FOXN2: variants seen among roughly 807,000 people sequenced by gnomAD.
FOXN2 encodes forkhead box N2, also known as forkhead box protein N2.
In FOXN2, 19 loss-of-function variants were observed where a neutral mutation model predicts 41.2. The observed-to-expected ratio is 0.46, with a 90% CI of 0.32 to 0.68. The LOEUF (loss-of-function observed/expected upper bound fraction) is 0.68, where lower values mean the gene tolerates loss of function less well. Among genes scored for constraint, FOXN2 ranks in the 30% least tolerant of loss-of-function variants. The probability of loss-of-function intolerance (pLI) is 0.03; values close to 1 mark genes in which losing one functional copy is unlikely to be tolerated. For synonymous variants in FOXN2, 195 were observed against 176.8 expected (o/e 1.10, Z -0.82); for missense variants, 587 against 509.4 (o/e 1.15, Z -1.47).
intron 5 of FOXN2, among the ~76,000 whole-genome samples, chr2:48,370,668 GTTGAGAT>G (rs1302490879): frequency 6.6e-6 from 1 of 152,054 alleles, no homozygotes; most frequent in Non-Finnish European, 1.5e-5. Context: ...TTGTTTTCCT[GTTGAGAT>G]GCTTGAGTTC....
At chr2:48,313,724 A>G (rs1324413777), upstream of FOXN2, among the ~76,000 whole-genome samples, 3 of 152,292 alleles carry the variant, frequency 2.0e-5, no homozygotes, top group South Asian at 2.1e-4. Context: ...CTCAGTTTCC[A>G]TATCTGTAAA....
At chr2:48,374,270 A>G (rs1673092251) in intron 6 of FOXN2, among the ~76,000 whole-genome samples, 1 of 152,220 alleles carries the variant, frequency 6.6e-6, no homozygotes, top group Admixed American at 6.5e-5. Flanking sequence ...AAGAGGAAAT[A>G]TATGTGGGCA....
chr2:48,365,551 A>G (rs2104493236), intron 5 of FOXN2, among the ~76,000 whole-genome samples: 1 of 152,324 alleles, frequency 6.6e-6, no homozygotes, highest in African/African-American at 2.4e-5. Flanking sequence ...GGGAACAGAC[A>G]TTTCCACAAG....
At chr2:48,363,674 A>C (rs1437871460) in intron 5 of FOXN2, among the ~76,000 whole-genome samples, 1 of 152,280 alleles carries the variant, frequency 6.6e-6, no homozygotes, top group Non-Finnish European at 1.5e-5. Context: ...CCCTGGCAGA[A>C]ACTAATAGAT....
upstream of FOXN2, among the ~76,000 whole-genome samples, chr2:48,313,851 T>C (rs1427092045): frequency 6.6e-6 from 1 of 152,170 alleles, no homozygotes; most frequent in Non-Finnish European, 1.5e-5. Context: ...AACGGGATAT[T>C]CTTATATTTT....
At chr2:48,371,239 AAC>A (rs1321803128) in intron 5 of FOXN2, among the ~76,000 whole-genome samples, 1 of 152,128 alleles carries the variant, frequency 6.6e-6, no homozygotes, top group Non-Finnish European at 1.5e-5. Context: ...CTCTACTAAA[AAC>A]ACAAAAATTA....
intron 1 of FOXN2, among the ~76,000 whole-genome samples, chr2:48,319,328 T>C (rs1416093043): frequency 6.6e-6 from 1 of 152,132 alleles, no homozygotes; most frequent in East Asian, 1.9e-4. Flanking sequence ...TAAACGTTTT[T>C]GGAGGGAATT....
At chr2:48,328,831 G>C (rs780583949) in intron 2 of FOXN2, 129 bp downstream of exon 2, 11 of 151,938 alleles carry the variant, frequency 7.2e-5, no homozygotes, top group Non-Finnish European at 1.3e-4. Context: ...TAAGTAGATG[G>C]GTTTTCTAAG....
At chr2:48,324,821 A>G (rs1283392617) in intron 1 of FOXN2, among the ~76,000 whole-genome samples, 4 of 152,208 alleles carry the variant, frequency 2.6e-5, no homozygotes, top group Non-Finnish European at 5.9e-5. Context: ...TAACTACAGT[A>G]AAAAAGAGGA....
chr2:48,370,786 G>A (rs1179119435), intron 5 of FOXN2, among the ~76,000 whole-genome samples: 1 of 152,094 alleles, frequency 6.6e-6, no homozygotes, highest in Non-Finnish European at 1.5e-5. Flanking sequence ...TTCCTGTGCA[G>A]AAGCTTTTTA....
chr2:48,339,522 C>T (rs1231601722), intron 2 of FOXN2, among the ~76,000 whole-genome samples: 4 of 152,166 alleles, frequency 2.6e-5, no homozygotes, highest in African/African-American at 9.7e-5. Flanking sequence ...AAACTATGAG[C>T]CAATTAAACC....
At chr2:48,323,862 G>A (rs1453031548) in intron 1 of FOXN2, among the ~76,000 whole-genome samples, 2 of 152,008 alleles carry the variant, frequency 1.3e-5, no homozygotes, top group Non-Finnish European at 2.9e-5. Context: ...TATAGTTTCA[G>A]GTCTTACATT....
intron 3 of FOXN2, among the ~76,000 whole-genome samples, chr2:48,357,579 G>A (rs1671885735): frequency 2.0e-5 from 3 of 150,990 alleles, no homozygotes; most frequent in Non-Finnish European, 2.9e-5. Context: ...TGAGACTATA[G>A]GCGCGCACCA....
Position 48,359,049 on chromosome 2 carries a change from T to C in FOXN2, c.540T>C (p.Val180=), listed in dbSNP as rs1360727375. 1 of 1,611,278 alleles carries C rather than the reference T, an allele frequency of 6.2e-7. No homozygotes were observed. The highest frequency in any genetic ancestry group is 2.2e-5 in the East Asian group (1 of 44,770). Residue 180 remains valine (V), a splice_region_variant and synonymous_variant, in exon 4 of 7, where the codon GTT becomes GTC. Transcript: ENST00000340553. Reference sequence around the variant, plus strand: ...TATTCTTGTGCATTTTATTCTAGGTTAATGGAAAAGGTTCCTTATGGTGTG... The same window carrying C: ...TATTCTTGTGCATTTTATTCTAGGTCAATGGAAAAGGTTCCTTATGGTGTG... The part of the protein sequence containing the change: ...FQKVERSHGK[V]NGKGSLWCVD...
At chr2:48,364,139 T>C (rs571638390) in intron 5 of FOXN2, among the ~76,000 whole-genome samples, 3 of 152,312 alleles carry the variant, frequency 2.0e-5, no homozygotes, top group South Asian at 4.1e-4. Flanking sequence ...ACAAGTATTA[T>C]GTATTTATTA....
chr2:48,349,716 G>C (rs896471321), intron 3 of FOXN2, among the ~76,000 whole-genome samples: 1 of 152,154 alleles, frequency 6.6e-6, no homozygotes, highest in Non-Finnish European at 1.5e-5. Flanking sequence ...AGCCTAGATC[G>C]TGCCATTGCA....
At chr2:48,368,582 C>T (rs1672680944) in intron 5 of FOXN2, among the ~76,000 whole-genome samples, 2 of 152,250 alleles carry the variant, frequency 1.3e-5, no homozygotes, top group Middle Eastern at 6.8e-3. Context: ...GTTCCAGCTA[C>T]ACGAGAGGCT....
At chr2:48,321,310 C>T (rs556147736) in intron 1 of FOXN2, among the ~76,000 whole-genome samples, 4 of 152,100 alleles carry the variant, frequency 2.6e-5, no homozygotes, top group South Asian at 2.1e-4. Context: ...CCAGGGTGGG[C>T]GGATCACGAG....
In FOXN2 at chr2:48,375,107, G is replaced by C. The variant is rs184372527; in HGVS notation, c.960G>C (p.Val320=). 31 of 1,614,080 alleles carry C rather than the reference G, an allele frequency of 1.9e-5. No homozygotes were observed. In the East Asian group the frequency reaches 6.9e-4, roughly 36 times the overall value. ...AAQRCASRSS[V]SSLSSVDEVY... ...AGCGTTGTGCATCCAGGTCTAGCGTGTCTTCCCTGTCTTCTGTGGATGAGG... is the reference window on the plus strand; with the variant it reads ...AGCGTTGTGCATCCAGGTCTAGCGTCTCTTCCCTGTCTTCTGTGGATGAGG... The change falls in exon 7 of 7, where the codon GTG becomes GTC. Residue 320 remains valine (V), a synonymous_variant. Coordinates refer to ENST00000340553, the MANE Select transcript of FOXN2 (RefSeq NM_002158.4).
Sources: gnomAD v4.1 joint callset for allele counts (sites outside exome capture counted in the v4.1 genomes callset) on GRCh38, gnomAD v4.1.1 for gene constraint, MANE v1.5 for transcripts, NCBI Gene and HGNC (gene_info 2026-07-23, HGNC 2026-07-21) for gene names.